ST3GAL3: variants seen among roughly 807,000 people sequenced by gnomAD.
The protein encoded by ST3GAL3 is CMP-N-acetylneuraminate-beta-1,4-galactoside alpha-2,3-sialyltransferase.
Under a neutral mutation model 50.1 loss-of-function variants are expected in ST3GAL3, and 21 were observed. The ratio of observed to expected loss-of-function variants is 0.42; its 90% CI spans 0.30 to 0.60. The LOEUF (loss-of-function observed/expected upper bound fraction) is 0.60, where lower values mean the gene tolerates loss of function less well. ST3GAL3 is among the 20% of genes least tolerant of loss of function. ST3GAL3 has a pLI of 0.19. For missense variants in ST3GAL3, 353 were observed against 489.4 expected, an observed-to-expected ratio of 0.72 and a Z score of 2.63; for synonymous variants, 183 against 190.0, an observed-to-expected ratio of 0.96 and a Z score of 0.30.
chr1:43,911,720 C>T (rs1383354620), intron 9 of ST3GAL3, among the ~76,000 whole-genome samples: 2 of 149,062 alleles, frequency 1.3e-5, no homozygotes, highest in African/African-American at 5.0e-5. Flanking sequence ...CAAGGTCTGG[C>T]TATGTCACCC....
Position 43,803,126 on chromosome 1 carries a change from G to A in ST3GAL3, c.166+10977G>A, listed in dbSNP as rs763486634. Among the ~76,000 whole-genome samples, 48 of 152,136 alleles carry A rather than the reference G, an allele frequency of 3.2e-4. 1 individual carries two copies. The highest frequency in any genetic ancestry group is 5.7e-4 in the Non-Finnish European group (39 of 67,976). On this transcript the variant is annotated intron_variant, in intron 3 of 11. Coordinates refer to ENST00000347631, the MANE Select transcript of ST3GAL3 (RefSeq NM_006279.5). The stretch of plus-strand genomic sequence containing the variant: ...TTTTTAGTAGAGACGGGGTTTCACT[G>A]TATTGGCCAGGCTGGTCTTGAACTC...
At chr1:43,894,860 C>A (rs930530319) in intron 6 of ST3GAL3, among the ~76,000 whole-genome samples, 2 of 152,036 alleles carry the variant, frequency 1.3e-5, no homozygotes, top group Admixed American at 6.6e-5. Context: ...ATCTCAAACT[C>A]CTGGACTCAA....
intron 2 of ST3GAL3, among the ~76,000 whole-genome samples, chr1:43,741,003 A>T (rs948068800): frequency 6.6e-6 from 1 of 152,164 alleles, no homozygotes; most frequent in African/African-American, 2.4e-5. Context: ...TAGATCTTTC[A>T]TAGGATTAGT....
chr1:43,918,799 T>C (rs954449292), intron 9 of ST3GAL3, among the ~76,000 whole-genome samples: 8 of 152,086 alleles, frequency 5.3e-5, no homozygotes, highest in African/African-American at 1.9e-4. Context: ...GGAGCTGGCA[T>C]TGGAGCCTTC....
intron 2 of ST3GAL3, among the ~76,000 whole-genome samples, chr1:43,763,700 G>T (rs1055345076): frequency 1.3e-5 from 2 of 152,228 alleles, no homozygotes; most frequent in African/African-American, 4.8e-5. Flanking sequence ...GCATGGAGTA[G>T]TTCTTCAACT....
chr1:43,899,109 A>G lies in ST3GAL3; in HGVS notation c.462-59A>G. The G allele has an allele frequency of 6.2e-7, 1 of 1,611,874 alleles. No homozygotes were observed. Among genetic ancestry groups the G allele is most frequent in the South Asian group, 1.1e-5 (1 of 90,972 alleles). ...GCGTGGGGTCAAGGGCCAAAGGAGC[A>G]GGGAAAGAGACCTGGTGGGCAGCTC... is the stretch of plus-strand genomic sequence containing the variant. On this transcript the variant is annotated intron_variant, in intron 7 of 11. Transcript: ENST00000347631. The surrounding 1 kb of genome is among the most constrained non-coding windows in gnomAD (Gnocchi z 5.4).
At chr1:43,721,898 C>T (rs1220207187) in intron 1 of ST3GAL3, among the ~76,000 whole-genome samples, 1 of 152,118 alleles carries the variant, frequency 6.6e-6, no homozygotes, top group East Asian at 1.9e-4. Context: ...ACATACCCGG[C>T]CCCCTCATGT....
At chr1:43,818,944 G>A (rs2061742590) in intron 4 of ST3GAL3, among the ~76,000 whole-genome samples, 1 of 152,172 alleles carries the variant, frequency 6.6e-6, no homozygotes, top group Admixed American at 6.5e-5. Flanking sequence ...GGGCCAAATG[G>A]TAAATATTTT....
intron 1 of ST3GAL3, among the ~76,000 whole-genome samples, chr1:43,710,867 T>G (rs572240614): frequency 6.6e-6 from 1 of 152,350 alleles, no homozygotes; most frequent in Admixed American, 6.5e-5. Flanking sequence ...AGAGTCTGCC[T>G]TTTTGCGATA....
intron 5 of ST3GAL3, among the ~76,000 whole-genome samples, chr1:43,890,950 A>C (rs570205829): frequency 1.2e-4 from 18 of 152,186 alleles, no homozygotes; most frequent in African/African-American, 4.1e-4. Context: ...CTACAGGACA[A>C]ATAGCCTGTA....
chr1:43,708,850 A>G (rs1471914159), intron 1 of ST3GAL3, among the ~76,000 whole-genome samples: 7 of 152,252 alleles, frequency 4.6e-5, no homozygotes, highest in South Asian at 2.1e-4. Context: ...GTATCAATCA[A>G]TGGAACGCCT....
At chr1:43,898,451 A>G (rs2077715266) in intron 7 of ST3GAL3, 153 bp downstream of exon 7, 1 of 780,440 alleles carries the variant, frequency 1.3e-6, no homozygotes, top group Non-Finnish European at 2.2e-6. Flanking sequence ...GGAGCAGGTA[A>G]GTGGAACCAC....
At chr1:43,771,731 TGTG>T (rs576749336) in intron 2 of ST3GAL3, among the ~76,000 whole-genome samples, 3 of 10,586 alleles carry the variant, frequency 2.8e-4, no homozygotes, top group Admixed American at 1.5e-3. Flanking sequence ...TTAATAAAGT[TGTG>T]TGTGTGTGTG....
intron 2 of ST3GAL3, among the ~76,000 whole-genome samples, chr1:43,774,151 G>T (rs1360130252): frequency 6.6e-6 from 1 of 152,024 alleles, no homozygotes. Context: ...GACATACTTG[G>T]GGGGGCAATT....
chr1:43,772,760 T>G (rs1695764355), intron 2 of ST3GAL3: 1 of 152,080 alleles, frequency 6.6e-6, no homozygotes, highest in African/African-American at 2.4e-5. Flanking sequence ...TTATTTTTCG[T>G]TTTTTGAGGA....
intron 4 of ST3GAL3, among the ~76,000 whole-genome samples, chr1:43,826,772 T>C (rs2062858939): frequency 1.3e-5 from 2 of 152,234 alleles, no homozygotes; most frequent in South Asian, 4.1e-4. Flanking sequence ...ATTCCAGGTA[T>C]GCAAGGCTGG....
intron 2 of ST3GAL3, among the ~76,000 whole-genome samples, chr1:43,750,733 T>TA (rs78962106): frequency 1.4e-3 from 194 of 138,140 alleles, no homozygotes; most frequent in Non-Finnish European, 1.8e-3. Context: ...CTACAACAAG[T>TA]AAAAAAAAAA....
chr1:43,784,704 T>C (rs145507796), intron 2 of ST3GAL3, among the ~76,000 whole-genome samples: 1,688 of 152,350 alleles, frequency 0.011, 15 homozygotes, highest in Non-Finnish European at 0.018. Flanking sequence ...GTTAAATTAA[T>C]GAAAGTTAAG....
At chr1:43,868,196 G>A (rs1001453812) in intron 5 of ST3GAL3, among the ~76,000 whole-genome samples, 2 of 152,188 alleles carry the variant, frequency 1.3e-5, no homozygotes, top group Non-Finnish European at 2.9e-5. Context: ...ATGTCAGACT[G>A]TATTTACTGG....
Sources: allele counts gnomAD v4.1 joint callset (sites outside exome capture counted in the v4.1 genomes callset), GRCh38; gene constraint gnomAD v4.1.1; non-coding constraint Gnocchi (gnomAD v3.1); transcripts MANE v1.5; gene names NCBI Gene and HGNC (gene_info 2026-07-23, HGNC 2026-07-21).